NPY2R: variants seen among roughly 807,000 people sequenced by gnomAD.
NPY2R encodes the protein neuropeptide Y receptor type 2.
In NPY2R, 17 loss-of-function variants were observed where a neutral mutation model predicts 22.3. The observed-to-expected ratio is 0.76, with a 90% confidence interval of 0.52 to 1.14. The LOEUF is 1.14. Among genes scored for constraint, NPY2R ranks in the 50% most tolerant of loss-of-function variants. The pLI is 0.00. For missense variants in NPY2R, 424 were observed against 467.9 expected, an observed-to-expected ratio of 0.91 and a Z score of 0.87; for synonymous variants, 209 against 183.4, an observed-to-expected ratio of 1.14 and a Z score of -1.13.
chr4:155,202,448 C>T, the NPY2R span, among the ~76,000 whole-genome samples: 2 of 152,170 alleles, frequency 1.3e-5, no homozygotes, highest in Non-Finnish European at 2.9e-5. Context: ...GTGTACAATT[C>T]ATCTTTACAC....
At chr4:155,174,484 A>ATATATATATATATATATATATATATT in the NPY2R span, among the ~76,000 whole-genome samples, 45 of 106,048 alleles carry the variant, frequency 4.2e-4, no homozygotes, top group African/African-American at 1.7e-3. Flanking sequence ...ATATATATAT[A>ATATATATATATATATATATATATATT]TTTTTTTTTT....
chr4:155,210,264 C>T (rs1729376761), intron 1 of NPY2R, among the ~76,000 whole-genome samples: 1 of 152,174 alleles, frequency 6.6e-6, no homozygotes, highest in African/African-American at 2.4e-5. Context: ...AGGGAGTAAC[C>T]TGCTTAAGCA....
chr4:155,209,862 C>G (rs1445657934), intron 1 of NPY2R, among the ~76,000 whole-genome samples: 1 of 151,942 alleles, frequency 6.6e-6, no homozygotes, highest in South Asian at 2.1e-4. Flanking sequence ...GCAAAAAGCC[C>G]CCACAGATTT....
the NPY2R span, among the ~76,000 whole-genome samples, chr4:155,185,711 C>T: frequency 6.7e-6 from 1 of 148,740 alleles, no homozygotes; most frequent in Non-Finnish European, 1.5e-5. Flanking sequence ...TTTGGTACAA[C>T]AAAAATCAAA....
At chr4:155,193,604 G>A in the NPY2R span, among the ~76,000 whole-genome samples, 4 of 151,904 alleles carry the variant, frequency 2.6e-5, no homozygotes, top group African/African-American at 9.7e-5. Context: ...GACTTGTTCA[G>A]TATTCTCTCT....
the NPY2R span, among the ~76,000 whole-genome samples, chr4:155,178,467 G>A: frequency 1.3e-5 from 2 of 152,104 alleles, no homozygotes; most frequent in Non-Finnish European, 2.9e-5. Flanking sequence ...ATATGTACAC[G>A]AAGTTATAAA....
At chr4:155,188,756 C>G in the NPY2R span, among the ~76,000 whole-genome samples, 1 of 152,100 alleles carries the variant, frequency 6.6e-6, no homozygotes, top group African/African-American at 2.4e-5. Context: ...TAGCAGCCAT[C>G]TGATCTTTGA....
At chr4:155,201,478 C>T in the NPY2R span, among the ~76,000 whole-genome samples, 13 of 152,136 alleles carry the variant, frequency 8.5e-5, no homozygotes, top group African/African-American at 2.9e-4. Context: ...GTTGATGCCA[C>T]ATGGATCAGA....
the NPY2R span, among the ~76,000 whole-genome samples, chr4:155,181,417 G>A: frequency 2.0e-5 from 3 of 152,104 alleles, no homozygotes; most frequent in African/African-American, 7.2e-5. Context: ...TATAGAATAT[G>A]CCAACCATTC....
At chr4:155,187,649 T>C in the NPY2R span, among the ~76,000 whole-genome samples, 1 of 152,132 alleles carries the variant, frequency 6.6e-6, no homozygotes, top group African/African-American at 2.4e-5. Context: ...CTCCAAAGGA[T>C]AATTTTCAAA....
the NPY2R span, among the ~76,000 whole-genome samples, chr4:155,185,663 A>C: frequency 3.4e-5 from 5 of 146,606 alleles, no homozygotes; most frequent in African/African-American, 1.3e-4. Context: ...AATATTAAAG[A>C]AATGCATTTT....
the NPY2R span, among the ~76,000 whole-genome samples, chr4:155,191,146 C>A: frequency 4.6e-5 from 7 of 151,750 alleles, no homozygotes; most frequent in Admixed American, 4.6e-4. Flanking sequence ...AGAGAAGAGG[C>A]AGAATAGAAA....
At chr4:155,183,347 G>A in the NPY2R span, among the ~76,000 whole-genome samples, 1 of 152,142 alleles carries the variant, frequency 6.6e-6, no homozygotes, top group Non-Finnish European at 1.5e-5. Context: ...GGGCTGAGGA[G>A]GAAATATAGG....
chr4:155,206,651 A>G (rs1427269260), upstream of NPY2R: 1 of 152,214 alleles, frequency 6.6e-6, no homozygotes, highest in East Asian at 1.9e-4. Context: ...ACACGTCTAT[A>G]AGAGAGTGAG....
the NPY2R span, among the ~76,000 whole-genome samples, chr4:155,197,801 C>T: frequency 6.6e-6 from 1 of 151,872 alleles, no homozygotes; most frequent in South Asian, 2.1e-4. Context: ...AAAAGAAGCA[C>T]CTAAGACTAC....
rs1441626396 is a variant in NPY2R at position 155,215,074 on chromosome 4, A to G, written c.1135A>G (p.Thr379Ala). ...SGPNDSFTEATNV is the reference protein window; with the variant it reads ...SGPNDSFTEAANV The stretch of plus-strand genomic sequence containing the variant: ...CCCCAATGACTCTTTCACAGAGGCT[A>G]CCAATGTCTAAGGAAGCTGTGGTGT... Residue 379 changes from threonine (T) to alanine (A), a missense_variant, in exon 2 of 2, where the codon ACC (threonine) becomes GCC (alanine). Transcript: ENST00000329476. 3.7e-6 allele frequency: 6 copies of G among 1,612,728 alleles called. No individual in the cohort carries two copies. Among genetic ancestry groups the G allele is most frequent in the Non-Finnish European group, 5.1e-6 (6 of 1,179,950 alleles).
chr4:155,214,684 C>G lies in NPY2R; in HGVS notation c.745C>G (p.His249Asp), dbSNP rs1729476887. The change falls in exon 2 of 2, where the codon CAT becomes GAT. Residue 249 changes from histidine (H) to aspartate (D), a missense_variant. Coordinates refer to ENST00000329476, the MANE Select transcript of NPY2R (RefSeq NM_000910.4). ...TCGCATTTGGAGTAAATTGAAGAAC[C>G]ATGTCAGTCCTGGAGCTGCAAATGA... ...YTRIWSKLKNHVSPGAANDHY... is the reference protein window; with the variant it reads ...YTRIWSKLKNDVSPGAANDHY... 1 of 1,614,184 alleles carries G rather than the reference C, an allele frequency of 6.2e-7. No homozygotes were observed. Among genetic ancestry groups the G allele is most frequent in the Non-Finnish European group, 8.5e-7 (1 of 1,180,036 alleles).
the NPY2R span, among the ~76,000 whole-genome samples, chr4:155,201,582 G>C: frequency 1.3e-5 from 2 of 152,074 alleles, no homozygotes; most frequent in Non-Finnish European, 2.9e-5. Context: ...GGGGTAGTTT[G>C]TTAGGTTGCA....
upstream of NPY2R, chr4:155,208,445 G>A (rs796857736): frequency 2.6e-5 from 4 of 152,544 alleles, no homozygotes; most frequent in African/African-American, 9.6e-5. This position sits in a 1 kb window ranked among gnomAD's most constrained non-coding sequence, Gnocchi z 5.6. Flanking sequence ...GCGGAACTGG[G>A]GGGTAGAGAG....
Sources: allele counts gnomAD v4.1 joint callset (sites outside exome capture counted in the v4.1 genomes callset), GRCh38; gene constraint gnomAD v4.1.1; non-coding constraint Gnocchi (gnomAD v3.1); transcripts MANE v1.5; gene names NCBI Gene and HGNC (gene_info 2026-07-23, HGNC 2026-07-21).